Variants in CLEC16A observed in about 807,000 individuals in gnomAD.
The protein encoded by CLEC16A is protein CLEC16A.
A neutral mutation model predicts 109.5 loss-of-function variants in CLEC16A; 51 were observed. The ratio of observed to expected loss-of-function variants is 0.47; its 90% confidence interval spans 0.37 to 0.59. The LOEUF (loss-of-function observed/expected upper bound fraction) is 0.59, where lower values mean the gene tolerates loss of function less well. Ranked by LOEUF, CLEC16A falls within the 20% of genes least tolerant of loss-of-function variation. CLEC16A has a pLI of 0.00. For synonymous variants in CLEC16A, 673 were observed against 564.2 expected, an observed-to-expected ratio of 1.19 and a Z score of -2.73; for missense variants, 1,339 against 1,394.0, an observed-to-expected ratio of 0.96 and a Z score of 0.63.
intron 19 of CLEC16A, among the ~76,000 whole-genome samples, chr16:11,107,468 CT>C (rs1403801678): frequency 3.9e-5 from 6 of 152,184 alleles, no homozygotes; most frequent in Non-Finnish European, 7.3e-5. Context: ...GAAATGGTTA[CT>C]TAATTTTCTT....
chr16:10,964,843 A>G (rs2042424592), intron 3 of CLEC16A, among the ~76,000 whole-genome samples: 2 of 152,226 alleles, frequency 1.3e-5, no homozygotes, highest in Admixed American at 6.5e-5. Flanking sequence ...GTGAATTAAC[A>G]TATCCATCAC....
At chr16:11,136,811 T>C (rs1372827361) in intron 22 of CLEC16A, among the ~76,000 whole-genome samples, 1 of 152,198 alleles carries the variant, frequency 6.6e-6, no homozygotes, top group Non-Finnish European at 1.5e-5. Flanking sequence ...TCCTGTCCCC[T>C]GGGGTGCTGA....
chr16:10,985,062 G>T (rs1428538043), intron 10 of CLEC16A, among the ~76,000 whole-genome samples: 1 of 151,892 alleles, frequency 6.6e-6, no homozygotes, highest in African/African-American at 2.4e-5. Context: ...AATTGGCCGG[G>T]CATGGTGGCA....
chr16:11,143,498 T>A (rs374160780), intron 22 of CLEC16A, among the ~76,000 whole-genome samples: 1 of 152,168 alleles, frequency 6.6e-6, no homozygotes, highest in East Asian at 1.9e-4. Flanking sequence ...TATATAGCAG[T>A]TTCCCTTAGC....
At chr16:11,132,230 A>ACCC (rs1481112707) in intron 22 of CLEC16A, among the ~76,000 whole-genome samples, 22 of 44,392 alleles carry the variant, frequency 5.0e-4, no homozygotes, top group South Asian at 1.4e-3. Flanking sequence ...GTCATCGCCC[A>ACCC]CCCACCCCCC....
intron 19 of CLEC16A, among the ~76,000 whole-genome samples, chr16:11,079,534 G>A (rs1211181466): frequency 6.6e-6 from 1 of 152,176 alleles, no homozygotes; most frequent in African/African-American, 2.4e-5. Context: ...AAATTCTCAT[G>A]TAGAAAAGCC....
intron 22 of CLEC16A, among the ~76,000 whole-genome samples, chr16:11,134,789 C>G (rs112737094): frequency 0.043 from 6,565 of 152,318 alleles, 476 homozygotes; most frequent in African/African-American, 0.15. Context: ...CATGGCAGCT[C>G]TGCCTGTCTC....
chr16:11,104,440 T>G (rs1445728550), intron 19 of CLEC16A, among the ~76,000 whole-genome samples: 2 of 152,276 alleles, frequency 1.3e-5, no homozygotes, highest in East Asian at 3.9e-4. Context: ...CCCAGAGGTT[T>G]TAACATATTC....
At chr16:11,061,480 C>T (rs1294087630) in intron 19 of CLEC16A, among the ~76,000 whole-genome samples, 2 of 152,224 alleles carry the variant, frequency 1.3e-5, no homozygotes, top group Non-Finnish European at 2.9e-5. Flanking sequence ...TGGAGAACCA[C>T]GTGCTCAGCC....
At chr16:11,133,366 C>T (rs1414959974) in intron 22 of CLEC16A, among the ~76,000 whole-genome samples, 1 of 151,086 alleles carries the variant, frequency 6.6e-6, no homozygotes, top group Non-Finnish European at 1.5e-5. Flanking sequence ...TTTTTTTTGA[C>T]TCTCCTGAGT....
chr16:11,030,391 T>C (rs1255460899), intron 13 of CLEC16A, among the ~76,000 whole-genome samples: 1 of 152,238 alleles, frequency 6.6e-6, no homozygotes, highest in African/African-American at 2.4e-5. Flanking sequence ...CCATCACCAG[T>C]GTACAAGAGT....
intron 13 of CLEC16A, chr16:11,027,399 C>G: frequency 7.0e-7 from 1 of 1,426,862 alleles, no homozygotes; most frequent in Non-Finnish European, 9.8e-7. Flanking sequence ...AGTCACCCCC[C>G]AGAATCTACA....
At chr16:11,126,494 T>A in intron 22 of CLEC16A, 2 of 1,004,954 alleles carry the variant, frequency 2.0e-6, no homozygotes, top group Non-Finnish European at 2.8e-6. Context: ...GTAAGATGAC[T>A]AGAAAGAGAG....
chr16:11,156,512 C>T (rs550022205), intron 22 of CLEC16A: 21 of 1,012,646 alleles, frequency 2.1e-5, no homozygotes, highest in South Asian at 2.0e-4. Flanking sequence ...GGTCAGTGAG[C>T]GCCTGTGCCT....
At position 11,022,247 on chromosome 16, in the gene CLEC16A, G is replaced by A. The variant is rs114650844; in HGVS notation, c.1436+1922G>A. On this transcript the variant is annotated intron_variant, in intron 12 of 23. Transcript: ENST00000409790. ...CAGCTTTCTCCTTTGTCAAGGTATC[G>A]AGTTGCAGCTTGTAAGAAACTGCCA... Among the ~76,000 whole-genome samples, 776 of 151,830 alleles carry A rather than the reference G, an allele frequency of 5.1e-3. 7 individuals carry two copies. The highest frequency in any genetic ancestry group is 0.018 in the African/African-American group (741 of 41,404).
chr16:10,968,027 C>G (rs912925528), intron 3 of CLEC16A, among the ~76,000 whole-genome samples: 6 of 152,220 alleles, frequency 3.9e-5, no homozygotes, highest in East Asian at 1.9e-4. Context: ...CTCTGAGTAG[C>G]GAGGCTCCAA....
chr16:11,156,725 C>T (rs1021861837), intron 22 of CLEC16A: 7 of 1,236,276 alleles, frequency 5.7e-6, no homozygotes. Context: ...GAGGCAGGGA[C>T]TGGGTCCTTG....
chr16:11,124,240 G>A (rs2052637145), intron 21 of CLEC16A, among the ~76,000 whole-genome samples: 1 of 152,182 alleles, frequency 6.6e-6, no homozygotes. Context: ...AAATTCTCAA[G>A]CATATGTTAA....
chr16:11,139,324 G>A (rs2053714601), intron 22 of CLEC16A, among the ~76,000 whole-genome samples: 1 of 152,206 alleles, frequency 6.6e-6, no homozygotes, highest in Non-Finnish European at 1.5e-5. Flanking sequence ...TGAGGTTACA[G>A]CTTTCTACAC....
Sources: allele counts gnomAD v4.1 joint callset (sites outside exome capture counted in the v4.1 genomes callset), GRCh38; gene constraint gnomAD v4.1.1; transcripts MANE v1.5; gene names NCBI Gene and HGNC (gene_info 2026-07-23, HGNC 2026-07-21).